Variants in EFCAB5 observed in about 807,000 individuals in gnomAD.
The protein encoded by EFCAB5 is EF-hand calcium-binding domain-containing protein 5.
Under a neutral mutation model 167.9 loss-of-function variants are expected in EFCAB5, and 131 were observed. The observed-to-expected ratio is 0.78, with a 90% CI of 0.68 to 0.90. EFCAB5 has a LOEUF of 0.90. Ranked by LOEUF, EFCAB5 falls within the 40% of genes least tolerant of loss-of-function variation. The probability of loss-of-function intolerance (pLI) is 0.00; values close to 1 mark genes in which losing one functional copy is unlikely to be tolerated. For missense variants in EFCAB5, 1,663 were observed against 1,745.2 expected (o/e 0.95, Z 0.84); for synonymous variants, 574 against 602.8 (o/e 0.95, Z 0.70).
intron 4 of EFCAB5, among the ~76,000 whole-genome samples, chr17:29,978,671 G>T (rs2068108921): frequency 6.6e-6 from 1 of 152,118 alleles, no homozygotes; most frequent in Non-Finnish European, 1.5e-5. Flanking sequence ...GCTAGGGCTG[G>T]GTATCTGGTA....
At chr17:30,021,419 TATATA>T (rs754486166) in intron 7 of EFCAB5, among the ~76,000 whole-genome samples, 4 of 147,108 alleles carry the variant, frequency 2.7e-5, no homozygotes, top group African/African-American at 7.5e-5. Flanking sequence ...TGTGTTGTTA[TATATA>T]ATATAATGTT....
chr17:30,097,451 C>G (rs1412957194), intron 22 of EFCAB5, among the ~76,000 whole-genome samples: 1 of 152,212 alleles, frequency 6.6e-6, no homozygotes, highest in African/African-American at 2.4e-5. Context: ...CTTCAGTCCC[C>G]CTCGCCAGGG....
At chr17:29,931,587 G>C (rs1443137206) in intron 1 of EFCAB5, among the ~76,000 whole-genome samples, 1 of 152,114 alleles carries the variant, frequency 6.6e-6, no homozygotes, top group Non-Finnish European at 1.5e-5. Flanking sequence ...AAGATGTATG[G>C]TTCACAGATT....
chr17:30,091,950 C>T lies in EFCAB5; in HGVS notation c.4017C>T (p.Ile1339=). ...TGCTGCTCGAGCTACAGGAAAGCATCCAACTACTCAATTCCATGGAATTTG... is the reference window on the plus strand; with the variant it reads ...TGCTGCTCGAGCTACAGGAAAGCATTCAACTACTCAATTCCATGGAATTTG... The part of the protein sequence containing the change: ...RIMLLELQES[I]QLLNSMEFVS... Residue 1339 remains isoleucine, a synonymous_variant, in exon 21 of 23, where the codon ATC becomes ATT. Transcript: ENST00000394835. 1 of 1,614,018 alleles carries T rather than the reference C, an allele frequency of 6.2e-7. No individual in the cohort carries two copies. Among genetic ancestry groups the T allele is most frequent in the Non-Finnish European group, 8.5e-7 (1 of 1,179,900 alleles).
chr17:30,103,431 A>T (rs2071406174), intron 22 of EFCAB5, among the ~76,000 whole-genome samples: 3 of 152,122 alleles, frequency 2.0e-5, no homozygotes. Flanking sequence ...GTGATATTGT[A>T]CAGAAATTAT....
At chr17:30,073,248 G>T in intron 14 of EFCAB5, 1 of 648,156 alleles carries the variant, frequency 1.5e-6, no homozygotes. Context: ...GTATGGATGG[G>T]GTCTCTCTGT....
chr17:29,945,133 C>T (rs1231607119), intron 3 of EFCAB5, among the ~76,000 whole-genome samples: 1 of 152,088 alleles, frequency 6.6e-6, no homozygotes, highest in Non-Finnish European at 1.5e-5. Flanking sequence ...GAAATCCATA[C>T]CACCAGAAAT....
At chr17:30,098,093 C>A (rs893964607) in intron 22 of EFCAB5, among the ~76,000 whole-genome samples, 1 of 152,082 alleles carries the variant, frequency 6.6e-6, no homozygotes, top group African/African-American at 2.4e-5. Context: ...TGCCACCACA[C>A]CCAACTAATT....
intron 3 of EFCAB5, among the ~76,000 whole-genome samples, chr17:29,952,008 A>G (rs997665866): frequency 1.3e-5 from 2 of 152,186 alleles, no homozygotes; most frequent in Admixed American, 1.3e-4. Flanking sequence ...AGACTGGGTA[A>G]TTTATAAACA....
At position 30,050,116 on chromosome 17, in the gene EFCAB5, G is replaced by A. The variant is rs901727237; in HGVS notation, c.1201-1002G>A. On this transcript the variant is annotated intron_variant, in intron 8 of 22. Transcript: ENST00000394835. ...AAAAGCAATTTGAAGAAAGACATAC[G>A]TACTGTATCAGGTACTTTTTTTTCT... Among the ~76,000 whole-genome samples, 10 of 151,610 alleles carry A rather than the reference G, an allele frequency of 6.6e-5. No individual in the cohort carries two copies. In the East Asian group the frequency reaches 1.2e-3, roughly 18 times the overall value.
At chr17:29,976,099 C>A (rs1458281926) in intron 4 of EFCAB5, among the ~76,000 whole-genome samples, 2 of 152,158 alleles carry the variant, frequency 1.3e-5, no homozygotes, top group Admixed American at 6.5e-5. Flanking sequence ...AAAATACTTA[C>A]AATCTGTGAA....
At chr17:30,105,440 A>T (rs2071437117) in intron 22 of EFCAB5, among the ~76,000 whole-genome samples, 1 of 152,142 alleles carries the variant, frequency 6.6e-6, no homozygotes, top group Non-Finnish European at 1.5e-5. Flanking sequence ...TGAGCCCACA[A>T]GGTGCCACTG....
chr17:29,951,242 C>A (rs190946558), intron 3 of EFCAB5, among the ~76,000 whole-genome samples: 3 of 152,330 alleles, frequency 2.0e-5, no homozygotes, highest in Admixed American at 2.0e-4. Context: ...AGGGTTTCTT[C>A]ACAGACCAAT....
intron 7 of EFCAB5, among the ~76,000 whole-genome samples, chr17:30,030,590 ACC>A (rs2069453815): frequency 6.6e-6 from 1 of 151,702 alleles, no homozygotes; most frequent in African/African-American, 2.4e-5. Flanking sequence ...TGATCCGCCC[ACC>A]TCGGCCTCCC....
chr17:30,097,036 ACATATACATATACATATATATATATTTTT>A (rs1316190907), intron 22 of EFCAB5, among the ~76,000 whole-genome samples: 4 of 108,108 alleles, frequency 3.7e-5, no homozygotes, highest in Non-Finnish European at 5.2e-5. Context: ...ATATACATAT[ACATATACATATACATATATATATATTTTT>A]TTTTTTTTGA....
At chr17:30,066,223 C>A (rs1208741647) in intron 14 of EFCAB5, among the ~76,000 whole-genome samples, 4 of 152,060 alleles carry the variant, frequency 2.6e-5, no homozygotes, top group African/African-American at 4.8e-5. Context: ...CAAATCTTAT[C>A]AAATTTAAAG....
chr17:30,028,991 TG>T (rs1363244751), intron 7 of EFCAB5, among the ~76,000 whole-genome samples: 17 of 152,350 alleles, frequency 1.1e-4, no homozygotes, highest in African/African-American at 4.1e-4. Context: ...AGGGTTAGGC[TG>T]TCAACATATT....
chr17:30,049,290 G>A (rs2070017041), intron 8 of EFCAB5, among the ~76,000 whole-genome samples: 1 of 151,954 alleles, frequency 6.6e-6, no homozygotes, highest in Non-Finnish European at 1.5e-5. Context: ...GACTACCCTG[G>A]CCAACATGGT....
intron 14 of EFCAB5, among the ~76,000 whole-genome samples, chr17:30,068,032 G>A (rs1310670124): frequency 2.0e-5 from 3 of 152,332 alleles, no homozygotes; most frequent in African/African-American, 7.2e-5. Context: ...TAGGCCGGGC[G>A]CGGTGGCTCA....
Sources: allele counts gnomAD v4.1 joint callset (sites outside exome capture counted in the v4.1 genomes callset), GRCh38; gene constraint gnomAD v4.1.1; transcripts MANE v1.5; gene names NCBI Gene and HGNC (gene_info 2026-07-23, HGNC 2026-07-21).